The following SLC45A1 variants were observed in gnomAD, a reference collection of about 807,000 sequenced individuals.
The protein encoded by SLC45A1 is solute carrier family 45 member 1, also known as proton-associated sugar transporter A.
SLC45A1 carries 28 observed loss-of-function variants against 57.6 expected under a neutral mutation model. The ratio of observed to expected loss-of-function variants is 0.49; its 90% confidence interval spans 0.36 to 0.67. The LOEUF is 0.67. SLC45A1 is among the 30% of genes least tolerant of loss of function. SLC45A1 has a pLI of 0.00. For missense variants in SLC45A1, 814 were observed against 1,041.5 expected (o/e 0.78, Z 3.01); for synonymous variants, 459 against 471.5 (o/e 0.97, Z 0.34).
intron 1 of SLC45A1, among the ~76,000 whole-genome samples, chr1:8,318,502 C>T (rs1476971316): frequency 2.0e-5 from 3 of 152,228 alleles, no homozygotes; most frequent in East Asian, 3.9e-4. Flanking sequence ...GAGGCCTGGT[C>T]CCTAGTCACC....
In SLC45A1 at chr1:8,332,382, G is replaced by A. The variant is rs143988488; in HGVS notation, c.1443+1446G>A. ...TAAAAACAGGAATCTCCAGGGCAGC[G>A]CCATCTTCCACGAAGGCCAAGAACC... On this transcript the variant is annotated intron_variant, in intron 5 of 8. Coordinates refer to ENST00000471889, the MANE Select transcript of SLC45A1 (RefSeq NM_001080397.3). Among the ~76,000 whole-genome samples, 932 of 152,276 alleles carry A rather than the reference G, an allele frequency of 6.1e-3. 4 individuals carry two copies. The highest frequency in any genetic ancestry group is 0.02 in the African/African-American group (846 of 41,532).
At chr1:8,331,935 G>C (rs1640423928) in intron 5 of SLC45A1, among the ~76,000 whole-genome samples, 1 of 152,036 alleles carries the variant, frequency 6.6e-6, no homozygotes, top group Non-Finnish European at 1.5e-5. Context: ...TGGGGCTACA[G>C]GCGCCCGCCA....
intron 5 of SLC45A1, among the ~76,000 whole-genome samples, chr1:8,334,743 C>T (rs1640552562): frequency 6.6e-6 from 1 of 152,074 alleles, no homozygotes; most frequent in Admixed American, 6.5e-5. Context: ...AACAAGCTCC[C>T]CTGACCAGAG....
Position 8,343,697 on chromosome 1 carries a change from C to T in SLC45A1, c.1981-50C>T, listed in dbSNP as rs763150059. On this transcript the variant is annotated intron_variant, in intron 8 of 8. Coordinates refer to ENST00000471889, the MANE Select transcript of SLC45A1 (RefSeq NM_001080397.3). This position sits in a 1 kb window ranked among gnomAD's most constrained non-coding sequence, Gnocchi z 7.7. Reference sequence around the variant, plus strand: ...GCAGGACACACCGAGCTCGGTCACCCCGTGCTGGCCGCGGCGTGTCTCGCT... The same window carrying T: ...GCAGGACACACCGAGCTCGGTCACCTCGTGCTGGCCGCGGCGTGTCTCGCT... 1 of 1,569,796 alleles carries T rather than the reference C, an allele frequency of 6.4e-7. No individual in the cohort carries two copies. The highest frequency in any genetic ancestry group is 8.7e-7 in the Non-Finnish European group (1 of 1,154,214).
chr1:8,321,733 G>A (rs1302329223), intron 1 of SLC45A1, among the ~76,000 whole-genome samples: 2 of 151,898 alleles, frequency 1.3e-5, no homozygotes, highest in Non-Finnish European at 2.9e-5. Context: ...GGAAGAACGG[G>A]TCGGTGGATG....
chr1:8,335,347 TCCGAGAGCGCATTCC>T lies in SLC45A1; in HGVS notation c.1444-87_1444-73del. The T allele has an allele frequency of 7.7e-7, 1 of 1,301,150 alleles. No homozygotes were observed. The highest frequency in any genetic ancestry group is 1.0e-6 in the Non-Finnish European group (1 of 976,872). 80.6% of individuals were successfully genotyped at this position (1,301,150 alleles called of 1,614,324 possible). A position where few individuals can be genotyped will look rare whatever the true frequency, so the allele number is the denominator to read the frequency against. On this transcript the variant is annotated intron_variant, in intron 5 of 8. Transcript: ENST00000471889. This position sits in a 1 kb window ranked among gnomAD's most constrained non-coding sequence, Gnocchi z 4.1. ...ACCCTTGCAGCCTCCGTGCGGTGTT[TCCGAGAGCGCATTCC>T]CCTGAGCAGAGCAGGGTCTGCGCTG...
At position 8,325,888 on chromosome 1, in the gene SLC45A1, G is replaced by T. The variant is rs2124295133; in HGVS notation, c.561G>T (p.Gly187=). 1 of 1,614,058 alleles carries T rather than the reference G, an allele frequency of 6.2e-7. No individual in the cohort carries two copies. The highest frequency in any genetic ancestry group is 1.1e-5 in the South Asian group (1 of 91,088). The stretch of plus-strand genomic sequence containing the variant: ...GCATCGCCCTGGCTGACGTGACCGG[G>T]AACCACAAGTGGGGCCTGCTGCTGA... ...DIGIALADVT[G]NHKWGLLLTV... Residue 187 remains glycine (G), a synonymous_variant, in exon 4 of 9, where the codon GGG becomes GGT. Transcript: ENST00000471889. This position sits in a 1 kb window ranked among gnomAD's most constrained non-coding sequence, Gnocchi z 6.3.
In SLC45A1 at chr1:8,335,401, C is replaced by T. The variant is rs1487775271; in HGVS notation, c.1444-36C>T. The T allele has an allele frequency of 6.4e-6, 10 of 1,550,458 alleles. No individual in the cohort carries two copies. The highest frequency in any genetic ancestry group is 1.2e-5 in the South Asian group (1 of 82,970). ...GGGTCTGCGCTGTGTGATGGGGGTG[C>T]GGGGCTCTGATGAGGGGTTTGTGGG... On this transcript the variant is annotated intron_variant, in intron 5 of 8. Coordinates refer to ENST00000471889, the MANE Select transcript of SLC45A1 (RefSeq NM_001080397.3). The surrounding 1 kb of genome is among the most constrained non-coding windows in gnomAD (Gnocchi z 4.1).
At chr1:8,318,226 C>T in intron 1 of SLC45A1, 40 bp downstream of exon 1, 2 of 416,354 alleles carry the variant, frequency 4.8e-6, no homozygotes, top group East Asian at 3.6e-5. Flanking sequence ...CGCTCTCTGG[C>T]TCCGTGCCTG....
In SLC45A1 at chr1:8,342,138, C is replaced by T. The variant is rs934764302; in HGVS notation, c.1981-1609C>T. Among the ~76,000 whole-genome samples the T allele has an allele frequency of 1.4e-4, 21 of 152,266 alleles. No individual in the cohort carries two copies. In the South Asian group the frequency reaches 2.5e-3, roughly 18 times the overall value. ...AGAAGAATGGCGTGAACCCGGGAGG[C>T]GGAGCTTGCAGTGAGCTGAGATCGT... On this transcript the variant is annotated intron_variant, in intron 8 of 8. Transcript: ENST00000471889.
intron 1 of SLC45A1, among the ~76,000 whole-genome samples, chr1:8,323,179 G>A (rs990470533): frequency 6.6e-6 from 1 of 152,082 alleles, no homozygotes. Flanking sequence ...CTAGGTCATG[G>A]GCATTGTGAA....
At chr1:8,336,424 A>G (rs1038704713) in intron 6 of SLC45A1, among the ~76,000 whole-genome samples, 3 of 152,044 alleles carry the variant, frequency 2.0e-5, no homozygotes, top group African/African-American at 7.2e-5. Context: ...AAAAAAAAAA[A>G]AGAATTTGAG....
chr1:8,334,413 G>A lies in SLC45A1; in HGVS notation c.1444-1024G>A, dbSNP rs571229095. ...ACCACAGACATCCCAGTGGAGCCAG[G>A]CAGCAACGCCTCTTTGCTCTCAAAC... On this transcript the variant is annotated intron_variant, in intron 5 of 8. Transcript: ENST00000471889. 3.3e-5 allele frequency among the ~76,000 whole-genome samples: 5 copies of A among 152,286 alleles called. No individual in the cohort carries two copies. In the South Asian group the frequency reaches 1.0e-3, roughly 32 times the overall value.
chr1:8,342,368 C>T (rs1640853767), intron 8 of SLC45A1, among the ~76,000 whole-genome samples: 1 of 152,216 alleles, frequency 6.6e-6, no homozygotes, highest in Non-Finnish European at 1.5e-5. Context: ...ACCATCACCA[C>T]CATCAATTTC....
At chr1:8,331,037 T>C in intron 5 of SLC45A1, 101 bp downstream of exon 5, 1 of 1,430,836 alleles carries the variant, frequency 7.0e-7, no homozygotes, top group Non-Finnish European at 9.3e-7. Context: ...AGGAAGAAAT[T>C]CCCGGCTGTT....
intron 8 of SLC45A1, among the ~76,000 whole-genome samples, chr1:8,340,310 G>T (rs1045954224): frequency 6.6e-6 from 1 of 151,806 alleles, no homozygotes; most frequent in Non-Finnish European, 1.5e-5. Flanking sequence ...CTACAGGCAC[G>T]CACCACCATG....
In SLC45A1 at chr1:8,324,340, C is replaced by T. The variant is rs1421067173; in HGVS notation, c.11C>T (p.Ala4Val). ...CCAGCCCTCCCCACGATGATCCCCG[C>T]AGCCAGCAGCACCCCGCCGGGAGAT... Reference protein sequence around the residue: MIPAASSTPPGDAL... With the variant: MIPVASSTPPGDAL... Residue 4 changes from alanine (A) to valine (V), a missense_variant, in exon 2 of 9, where the codon GCA (alanine) becomes GTA (valine). Transcript: ENST00000471889. 1 of 1,612,192 alleles carries T rather than the reference C, an allele frequency of 6.2e-7. No homozygotes were observed.
chr1:8,326,505 C>T lies in SLC45A1; in HGVS notation c.715+463C>T, dbSNP rs1208194591. ...GGCTGATTAACATTGAATTGACGGCCGACAGCGCTGCAACTCAAGCCTGAA... is the reference window on the plus strand; with the variant it reads ...GGCTGATTAACATTGAATTGACGGCTGACAGCGCTGCAACTCAAGCCTGAA... On this transcript the variant is annotated intron_variant, in intron 4 of 8. Transcript: ENST00000471889. This position sits in a 1 kb window ranked among gnomAD's most constrained non-coding sequence, Gnocchi z 5.5. 4.6e-5 allele frequency among the ~76,000 whole-genome samples: 7 copies of T among 152,170 alleles called. No individual in the cohort carries two copies. Among genetic ancestry groups the T allele is most frequent in the Admixed American group, 1.3e-4 (2 of 15,276 alleles).
At position 8,330,467 on chromosome 1, in the gene SLC45A1, G is replaced by C; in HGVS notation, c.974G>C (p.Ser325Thr). 1 of 1,612,540 alleles carries C rather than the reference G, an allele frequency of 6.2e-7. No homozygotes were observed. The highest frequency in any genetic ancestry group is 8.5e-7 in the Non-Finnish European group (1 of 1,179,812). ...PVLPEEGPGD[S>T]LPSHTATNFS... ...CTGCCAGAGGAAGGCCCTGGCGACA[G>C]CCTCCCGTCGCACACGGCCACCAAC... Residue 325 changes from serine (S) to threonine (T), a missense_variant, in exon 5 of 9, where the codon AGC (serine) becomes ACC (threonine). Physicochemically the swap from Ser to Thr is moderately conservative, Grantham distance 58. Coordinates refer to ENST00000471889, the MANE Select transcript of SLC45A1 (RefSeq NM_001080397.3). The surrounding 1 kb of genome is among the most constrained non-coding windows in gnomAD (Gnocchi z 8.4).
Sources: gnomAD v4.1 joint callset for allele counts (sites outside exome capture counted in the v4.1 genomes callset) on GRCh38, gnomAD v4.1.1 for gene constraint, Gnocchi (gnomAD v3.1) non-coding constraint, MANE v1.5 for transcripts, NCBI Gene and HGNC (gene_info 2026-07-23, HGNC 2026-07-21) for gene names.